LRRC37A: variants seen among roughly 807,000 people sequenced by gnomAD.
LRRC37A encodes leucine-rich repeat-containing protein 37A.
A neutral mutation model predicts 35.4 loss-of-function variants in LRRC37A; 3 were observed. The observed-to-expected ratio is 0.08, with a 90% CI of 0.04 to 0.22. The LOEUF is 0.22. Among genes scored for constraint, LRRC37A ranks in the 10% least tolerant of loss-of-function variants. The pLI is 1.00. For missense variants in LRRC37A, 67 were observed against 565.3 expected, an observed-to-expected ratio of 0.12 and a Z score of 8.94; for synonymous variants, 23 against 215.0, an observed-to-expected ratio of 0.11 and a Z score of 7.81.
chr17:46,264,121 T>C, the LRRC37A span, among the ~76,000 whole-genome samples: 1 of 151,142 alleles, frequency 6.6e-6, no homozygotes, highest in Non-Finnish European at 1.5e-5. Flanking sequence ...TAATTCAAAT[T>C]CTCTAGAATT....
chr17:46,254,617 C>G, the LRRC37A span, among the ~76,000 whole-genome samples: 6 of 151,576 alleles, frequency 4.0e-5, no homozygotes, highest in African/African-American at 9.7e-5. Flanking sequence ...TCTTGGCTCA[C>G]TGCAACCTCC....
chr17:46,277,561 C>T, the LRRC37A span, among the ~76,000 whole-genome samples: 1 of 152,224 alleles, frequency 6.6e-6, no homozygotes, highest in East Asian at 1.9e-4. Context: ...CCTACCTTAA[C>T]TCCCTCTGAA....
intron 5 of LRRC37A, among the ~76,000 whole-genome samples, chr17:46,316,541 T>C (rs2051116286): frequency 1.6e-5 from 1 of 62,270 alleles, no homozygotes; most frequent in Admixed American, 1.7e-4. Context: ...GCTTAAGCAA[T>C]GCTGTCACCT....
the LRRC37A span, among the ~76,000 whole-genome samples, chr17:46,286,822 C>T: frequency 2.1e-4 from 32 of 152,356 alleles, no homozygotes; most frequent in African/African-American, 7.7e-4. Flanking sequence ...TCTGCAGATA[C>T]AGTACAATTC....
the LRRC37A span, among the ~76,000 whole-genome samples, chr17:46,265,617 C>CT: frequency 5.7e-5 from 1 of 17,544 alleles, no homozygotes; most frequent in East Asian, 0.17. Context: ...TGGCTGGGAC[C>CT]AAGGCGTGAG....
chr17:46,276,270 A>G, the LRRC37A span, among the ~76,000 whole-genome samples: 1 of 152,270 alleles, frequency 6.6e-6, no homozygotes, highest in Non-Finnish European at 1.5e-5. Flanking sequence ...AATAGCAGAT[A>G]AATTTATATT....
intron 1 of LRRC37A, among the ~76,000 whole-genome samples, chr17:46,298,764 A>G (rs2050249817): frequency 1.0e-5 from 1 of 95,294 alleles, no homozygotes; most frequent in Non-Finnish European, 2.1e-5. Flanking sequence ...GGGAAGAAAG[A>G]GAATAGGCAT....
the LRRC37A span, among the ~76,000 whole-genome samples, chr17:46,283,131 A>G: frequency 6.6e-6 from 1 of 152,172 alleles, no homozygotes; most frequent in East Asian, 1.9e-4. Flanking sequence ...AAAATAAAAT[A>G]AAATAACCGA....
At position 46,333,243 on chromosome 17, in the gene LRRC37A, T is replaced by G. The variant is rs1332672262; in HGVS notation, c.4809+587T>G. Among the ~76,000 whole-genome samples, 9 of 63,732 alleles carry G rather than the reference T, an allele frequency of 1.4e-4. 1 individual carries two copies. The highest frequency in any genetic ancestry group is 2.9e-4 in the Admixed American group (2 of 6,980). The allele number at this position is 63,732 out of a possible 152,430, so 41.8% of individuals were successfully genotyped here. ...TTCACTGGTGAGGAGGAACGTCTCA[T>G]ACTCTAGCCCTCCTGAGCCTATACC... On this transcript the variant is annotated intron_variant, in intron 10 of 13. Transcript: ENST00000320254.
chr17:46,267,002 C>G, the LRRC37A span: 166 of 164,912 alleles, frequency 1.0e-3, no homozygotes, highest in Non-Finnish European at 7.6e-4. Context: ...TGTGCCGGCC[C>G]CCGGCTCGCC....
At chr17:46,258,707 C>CTTT in the LRRC37A span, among the ~76,000 whole-genome samples, 118 of 81,062 alleles carry the variant, frequency 1.5e-3, no homozygotes, top group Non-Finnish European at 1.8e-3. Flanking sequence ...GACTATTATT[C>CTTT]TTTTTTTTTT....
chr17:46,290,849 C>T (rs2732600), upstream of LRRC37A, among the ~76,000 whole-genome samples: 8 of 152,186 alleles, frequency 5.3e-5, no homozygotes, highest in African/African-American at 9.7e-5. Context: ...TGATTCCCCA[C>T]GCCAAAATTT....
the LRRC37A span, among the ~76,000 whole-genome samples, chr17:46,253,568 G>C: frequency 6.6e-6 from 1 of 152,216 alleles, no homozygotes; most frequent in African/African-American, 2.4e-5. Flanking sequence ...CCAACGCAGC[G>C]AAACCCCGTC....
At chr17:46,291,996 A>T (rs1338740777), upstream of LRRC37A, among the ~76,000 whole-genome samples, 1 of 130,632 alleles carries the variant, frequency 7.7e-6, no homozygotes, top group Non-Finnish European at 1.7e-5. Flanking sequence ...AAGCCAATAA[A>T]ATCAATGGTC....
the LRRC37A span, among the ~76,000 whole-genome samples, chr17:46,261,637 G>T: frequency 0.15 from 22,014 of 151,034 alleles, 2,177 homozygotes; most frequent in Non-Finnish European, 0.22. Flanking sequence ...GGTCTCAAAC[G>T]CCTGACCTCA....
At chr17:46,271,314 C>T in the LRRC37A span, among the ~76,000 whole-genome samples, 6,924 of 149,532 alleles carry the variant, frequency 0.046, 966 homozygotes, top group East Asian at 0.46. Flanking sequence ...TACAGGCATG[C>T]GCCACTTTAC....
chr17:46,257,452 CAA>C, the LRRC37A span, among the ~76,000 whole-genome samples: 350 of 83,280 alleles, frequency 4.2e-3, 1 homozygote, highest in Middle Eastern at 9.1e-3. Flanking sequence ...GACTCTGTCT[CAA>C]AAAAAAAAAA....
At chr17:46,274,230 C>T in the LRRC37A span, among the ~76,000 whole-genome samples, 1 of 152,228 alleles carries the variant, frequency 6.6e-6, no homozygotes, top group South Asian at 2.1e-4. Flanking sequence ...GTTTCACATA[C>T]ATCCATAGTT....
chr17:46,270,321 A>G, the LRRC37A span, among the ~76,000 whole-genome samples: 1 of 152,244 alleles, frequency 6.6e-6, no homozygotes. Context: ...CTAACATTAC[A>G]ATACCTGATA....
Sources: allele counts gnomAD v4.1 joint callset (sites outside exome capture counted in the v4.1 genomes callset), GRCh38; gene constraint gnomAD v4.1.1; transcripts MANE v1.5; gene names NCBI Gene and HGNC (gene_info 2026-07-23, HGNC 2026-07-21).